Variants in PTPRN2 observed in about 807,000 individuals in gnomAD.
The protein encoded by PTPRN2 is protein tyrosine phosphatase receptor type N2.
A neutral mutation model predicts 118.8 loss-of-function variants in PTPRN2; 74 were observed. That is an observed-to-expected ratio of 0.62 (90% confidence interval 0.52 to 0.76). The LOEUF (loss-of-function observed/expected upper bound fraction) is 0.76. Ranked by LOEUF, PTPRN2 falls within the 30% of genes least tolerant of loss-of-function variation. The pLI, the probability that PTPRN2 is intolerant of heterozygous loss-of-function variation, is 0.00. For missense variants in PTPRN2, 1,481 were observed against 1,394.4 expected, an observed-to-expected ratio of 1.06 and a Z score of -0.99; for synonymous variants, 641 against 608.0, an observed-to-expected ratio of 1.05 and a Z score of -0.80.
At chr7:158,547,893 G>C (rs1263633400) in intron 1 of PTPRN2, among the ~76,000 whole-genome samples, 2 of 152,218 alleles carry the variant, frequency 1.3e-5, no homozygotes, top group South Asian at 4.1e-4. Context: ...AGCAAAAACT[G>C]TGAAGATTAA....
chr7:157,958,153 C>T, intron 11 of PTPRN2, among the ~76,000 whole-genome samples: 1 of 152,146 alleles, frequency 6.6e-6, no homozygotes, highest in East Asian at 1.9e-4. Flanking sequence ...GGACCCATAT[C>T]ATCATCTCAA....
chr7:158,369,712 G>A (rs1164554629), intron 2 of PTPRN2, among the ~76,000 whole-genome samples: 1 of 152,168 alleles, frequency 6.6e-6, no homozygotes, highest in Non-Finnish European at 1.5e-5. Flanking sequence ...AACCATGTGA[G>A]AGCCACAAAA....
rs1453223663 is a variant in PTPRN2, at chr7:158,517,512, A to G, written c.113-27727T>C. 6.6e-6 allele frequency among the ~76,000 whole-genome samples: 1 copy of G among 151,858 alleles called. No individual in the cohort carries two copies. Among genetic ancestry groups the G allele is most frequent in the Admixed American group, 6.6e-5 (1 of 15,240 alleles). On this transcript the variant is annotated intron_variant, in intron 1 of 22. Coordinates refer to ENST00000389418, the MANE Select transcript of PTPRN2 (RefSeq NM_002847.5). This position sits in a 1 kb window ranked among gnomAD's most constrained non-coding sequence, Gnocchi z 5.3. Reference sequence around the variant, plus strand: ...CTCAGCCCCACCGCCCCCCAGCCTGAGCCCCGTTCCACCTCCTCACTGGCC... The same window carrying G: ...CTCAGCCCCACCGCCCCCCAGCCTGGGCCCCGTTCCACCTCCTCACTGGCC...
At chr7:158,184,525 G>A (rs1824976606) in intron 5 of PTPRN2, among the ~76,000 whole-genome samples, 1 of 152,158 alleles carries the variant, frequency 6.6e-6, no homozygotes, top group Non-Finnish European at 1.5e-5. Flanking sequence ...TATGTAATCT[G>A]AATGCCTCTC....
intron 2 of PTPRN2, among the ~76,000 whole-genome samples, chr7:158,319,509 C>CCTCACACACGCACACAGCCTCCCT (rs1563131612): frequency 8.1e-5 from 3 of 37,080 alleles, no homozygotes; most frequent in Non-Finnish European, 1.5e-4. Context: ...CAGCCTCCCC[C>CCTCACACACGCACACAGCCTCCCT]CACACACACA....
intron 15 of PTPRN2, among the ~76,000 whole-genome samples, chr7:157,620,326 C>T (rs1044870410): frequency 3.3e-5 from 5 of 152,126 alleles, no homozygotes; most frequent in Admixed American, 6.5e-5. Context: ...TAGTGCCTCC[C>T]GTGCTGTGGG....
rs532825275 is a variant in PTPRN2, at chr7:157,568,827, C to T, written c.2902+75G>A. On this transcript the variant is annotated intron_variant, in intron 21 of 22. Transcript: ENST00000389418. Reference sequence around the variant, plus strand: ...AATTTTTTCCAGGGCCTCCCGTGAACACGGCACCCTACGTTGCCATAGCGA... The same window carrying T: ...AATTTTTTCCAGGGCCTCCCGTGAATACGGCACCCTACGTTGCCATAGCGA... The T allele has an allele frequency of 2.1e-4, 300 of 1,455,178 alleles. 3 individuals carry two copies. In the East Asian group the frequency reaches 5.6e-3, roughly 27 times the overall value. 90.1% of individuals were successfully genotyped at this position (1,455,178 alleles called of 1,614,324 possible). A position where few individuals can be genotyped will look rare whatever the true frequency, so the allele number is the denominator to read the frequency against.
chr7:158,389,888 C>G (rs745748357), intron 2 of PTPRN2, among the ~76,000 whole-genome samples: 1 of 152,354 alleles, frequency 6.6e-6, no homozygotes, highest in East Asian at 1.9e-4. Flanking sequence ...TTAATGGACA[C>G]ATCCAGAAAG....
chr7:158,015,980 C>A lies in PTPRN2; in HGVS notation c.1723+65318G>T, dbSNP rs1011758317. ...ACGGCTGTGGGGTCCCAGTGTGTCA[C>A]CTGCGTGGCCTTTTCAGGTTCTGGG... On this transcript the variant is annotated intron_variant, in intron 11 of 22. Transcript: ENST00000389418. This position sits in a 1 kb window ranked among gnomAD's most constrained non-coding sequence, Gnocchi z 4.2. 4.6e-5 allele frequency among the ~76,000 whole-genome samples: 7 copies of A among 152,166 alleles called. No individual in the cohort carries two copies. Among genetic ancestry groups the A allele is most frequent in the African/African-American group, 1.4e-4 (6 of 41,448 alleles).
chr7:158,130,229 G>T (rs140356349), intron 9 of PTPRN2, among the ~76,000 whole-genome samples: 2,848 of 152,316 alleles, frequency 0.019, 73 homozygotes, highest in African/African-American at 0.058. Context: ...CCGCAGGACA[G>T]ATGGGTTCTA....
chr7:158,097,506 G>A (rs748366278), intron 10 of PTPRN2, among the ~76,000 whole-genome samples: 2 of 152,202 alleles, frequency 1.3e-5, no homozygotes, highest in Admixed American at 6.5e-5. Context: ...GGCGGTCCTC[G>A]TGGCTGATGT....
In PTPRN2 at chr7:158,237,843, C is replaced by T. The variant is rs954737719; in HGVS notation, c.278-32570G>A. On this transcript the variant is annotated intron_variant, in intron 3 of 22. Transcript: ENST00000389418. ...GCTCCCCCTCTTTCTGAACACCCCC[C>T]GGCAGACACAGCGCTTACATGGGAG... Among the ~76,000 whole-genome samples, 8 of 152,164 alleles carry T rather than the reference C, an allele frequency of 5.3e-5. No individual in the cohort carries two copies. The East Asian group carries it at 5.8e-4, about 11-fold the overall frequency.
chr7:158,219,887 A>C (rs1024020905), intron 3 of PTPRN2, among the ~76,000 whole-genome samples: 1 of 151,858 alleles, frequency 6.6e-6, no homozygotes, highest in Non-Finnish European at 1.5e-5. Flanking sequence ...AATAAAAAAA[A>C]AACCTACCAA....
intron 11 of PTPRN2, among the ~76,000 whole-genome samples, chr7:158,057,440 C>T (rs1809875187): frequency 1.3e-5 from 2 of 152,212 alleles, no homozygotes; most frequent in African/African-American, 4.8e-5. Flanking sequence ...ATTTGGATTC[C>T]ATAACACAGT....
chr7:157,900,989 C>A (rs1563221689), intron 11 of PTPRN2, among the ~76,000 whole-genome samples: 1 of 152,232 alleles, frequency 6.6e-6, no homozygotes, highest in East Asian at 1.9e-4. Context: ...CACAGTCCTG[C>A]AGGCTGCACA....
chr7:158,065,277 AG>A (rs201639319), intron 11 of PTPRN2, among the ~76,000 whole-genome samples: 1,713 of 152,338 alleles, frequency 0.011, 29 homozygotes, highest in African/African-American at 0.033. Context: ...GAGCCTCCTC[AG>A]CAGCTTCAGG....
chr7:158,316,943 G>C lies in PTPRN2; in HGVS notation c.164-11C>G, dbSNP rs770182021. The C allele has an allele frequency of 1.3e-6, 2 of 1,592,824 alleles. No homozygotes were observed. The highest frequency in any genetic ancestry group is 1.1e-5 in the South Asian group (1 of 90,034). ...TTCCAAACACTCCATCTGTGAGAAG[G>C]GAAGGAGATAAGACAGAACGAGACG... On this transcript the variant is annotated splice_polypyrimidine_tract_variant and intron_variant, in intron 2 of 22. Transcript: ENST00000389418.
At chr7:157,541,520 G>A (rs1398318118) in intron 22 of PTPRN2, among the ~76,000 whole-genome samples, 1 of 152,256 alleles carries the variant, frequency 6.6e-6, no homozygotes, top group Non-Finnish European at 1.5e-5. Context: ...GCCGGAGAGC[G>A]TATCTGCCTC....
intron 12 of PTPRN2, among the ~76,000 whole-genome samples, chr7:157,829,341 G>A (rs577684575): frequency 3.3e-5 from 5 of 152,314 alleles, no homozygotes; most frequent in Non-Finnish European, 5.9e-5. Context: ...TCAAACACTC[G>A]GCTGGTAAGT....
Sources: gnomAD v4.1 joint callset for allele counts (sites outside exome capture counted in the v4.1 genomes callset) on GRCh38, gnomAD v4.1.1 for gene constraint, Gnocchi (gnomAD v3.1) non-coding constraint, MANE v1.5 for transcripts, NCBI Gene and HGNC (gene_info 2026-07-23, HGNC 2026-07-21) for gene names.